INO80: variants seen among roughly 807,000 people sequenced by gnomAD.
The protein encoded by INO80 is chromatin-remodeling ATPase INO80.
INO80 carries 20 observed loss-of-function variants against 203.4 expected under a neutral mutation model. The ratio of observed to expected loss-of-function variants is 0.10; its 90% CI spans 0.07 to 0.14. The LOEUF (loss-of-function observed/expected upper bound fraction) is 0.14, where lower values mean the gene tolerates loss of function less well. Among genes scored for constraint, INO80 ranks in the 10% least tolerant of loss-of-function variants. INO80 has a pLI of 1.00. For synonymous variants in INO80, 726 were observed against 685.2 expected, an observed-to-expected ratio of 1.06 and a Z score of -0.93; for missense variants, 1,419 against 1,914.4, an observed-to-expected ratio of 0.74 and a Z score of 4.83.
At chr15:41,028,985 A>G (rs1316482556) in intron 24 of INO80, among the ~76,000 whole-genome samples, 2 of 152,252 alleles carry the variant, frequency 1.3e-5, no homozygotes, top group Non-Finnish European at 2.9e-5. Flanking sequence ...GGTGTTCTAT[A>G]TAAGAAATGC....
chr15:41,067,959 C>G (rs2045249143), intron 14 of INO80, among the ~76,000 whole-genome samples: 1 of 152,162 alleles, frequency 6.6e-6, no homozygotes, highest in African/African-American at 2.4e-5. Context: ...AACTAAGCAG[C>G]TGTTTAAATC....
chr15:41,055,095 A>C lies in INO80; in HGVS notation c.2188+152T>G, dbSNP rs763367064. ...GACTGTTAAATATGTACAAAAAACA[A>C]AATTATTTTATAAGCAAAAAATGTG... On this transcript the variant is annotated intron_variant, in intron 18 of 35. Coordinates refer to ENST00000648947, the MANE Select transcript of INO80 (RefSeq NM_017553.3). 4 of 443,810 alleles carry C rather than the reference A, an allele frequency of 9.0e-6. No individual in the cohort carries two copies. The Admixed American group carries it at 1.5e-4, about 17-fold the overall frequency. 27.5% of individuals were successfully genotyped at this position (443,810 alleles called of 1,614,324 possible).
At chr15:40,985,646 A>C (rs1375566697) in intron 31 of INO80, among the ~76,000 whole-genome samples, 1 of 152,092 alleles carries the variant, frequency 6.6e-6, no homozygotes, top group Non-Finnish European at 1.5e-5. Context: ...GTGGTGACTC[A>C]CGTCTGTAAT....
At position 40,980,405 on chromosome 15, in the gene INO80, C is replaced by A; in HGVS notation, c.4489G>T (p.Val1497Phe). 6.2e-7 allele frequency: 1 copy of A among 1,613,736 alleles called. No homozygotes were observed. The highest frequency in any genetic ancestry group is 8.5e-7 in the Non-Finnish European group (1 of 1,179,996). Residue 1497 changes from valine to phenylalanine, a missense_variant, in exon 36 of 36, where the codon GTT becomes TTT. By Grantham distance (50) the Val-to-Phe change is conservative (BLOSUM62 -1). Around this residue, in one of 9 missense-constraint regions of INO80, gnomAD observed 112 missense variants for 106.2 expected, o/e 1.05. Transcript: ENST00000648947. ...SASSPLQTSL[V>F]RPAGLADFGP... is the part of the protein sequence containing the mutation. ...AAGTCAGCAAGGCCAGCAGGCCGAA[C>A]AAGGGATGTCTGCAGAGGACTGCTG...
rs2044844684 is a variant in INO80, at chr15:41,050,167, A to G, written c.2275-65T>C. 5.3e-6 allele frequency: 6 copies of G among 1,140,724 alleles called. No individual in the cohort carries two copies. In the South Asian group the frequency reaches 8.3e-5, roughly 16 times the overall value. The allele number at this position is 1,140,724 out of a possible 1,614,324, so 70.7% of individuals were successfully genotyped here. ...TTTTAAGAAAATTCAGCATCAGCTT[A>G]AAGTTGAAAACACACACAAACCATA... On this transcript the variant is annotated intron_variant, in intron 19 of 35. Transcript: ENST00000648947.
intron 24 of INO80, among the ~76,000 whole-genome samples, chr15:41,037,476 C>T (rs1488013388): frequency 6.6e-6 from 1 of 151,754 alleles, no homozygotes; most frequent in Non-Finnish European, 1.5e-5. Flanking sequence ...TGCACTCGAG[C>T]CTGGGCAATA....
intron 28 of INO80, among the ~76,000 whole-genome samples, chr15:41,000,433 T>G (rs1003388780): frequency 1.3e-5 from 2 of 151,986 alleles, no homozygotes; most frequent in Non-Finnish European, 2.9e-5. Flanking sequence ...CGGTGGCTCA[T>G]GCCTGTAATC....
intron 25 of INO80, chr15:41,023,338 G>A: frequency 2.2e-6 from 1 of 455,940 alleles, no homozygotes. Flanking sequence ...TAGGATGTGT[G>A]TCGCAGACCT....
rs1205932520 is a variant in INO80, at chr15:41,046,202, C to CAT, written c.2736-1129_2736-1128dup. The stretch of plus-strand genomic sequence containing the variant: ...CTGTGTGTGTCTCTGTGTGCGTATA[C>CAT]ATACATATATATATATATATATATA... On this transcript the variant is annotated intron_variant, in intron 23 of 35. Coordinates refer to ENST00000648947, the MANE Select transcript of INO80 (RefSeq NM_017553.3). Among the ~76,000 whole-genome samples, 646 of 109,300 alleles carry CAT rather than the reference C, an allele frequency of 5.9e-3. 98 individuals are homozygous for CAT. Among genetic ancestry groups the CAT allele is most frequent in the Non-Finnish European group, 7.4e-3 (412 of 55,662 alleles). The allele number at this position is 109,300 out of a possible 152,430, so 71.7% of individuals were successfully genotyped here. A position where few individuals can be genotyped will look rare whatever the true frequency, so the allele number is the denominator to read the frequency against.
At chr15:41,036,172 A>C (rs946481628) in intron 24 of INO80, among the ~76,000 whole-genome samples, 1 of 149,914 alleles carries the variant, frequency 6.7e-6, no homozygotes, top group African/African-American at 2.4e-5. Context: ...AAAAAAAAAA[A>C]AAAAAAAAAA....
At chr15:41,020,859 G>A in intron 26 of INO80, 41 bp downstream of exon 26, 1 of 1,313,354 alleles carries the variant, frequency 7.6e-7, no homozygotes, top group Non-Finnish European at 1.1e-6. Context: ...TTCTCCCCTT[G>A]CCAAAGCGAG....
chr15:40,988,337 G>GA (rs1209416638), intron 29 of INO80, among the ~76,000 whole-genome samples: 5 of 151,982 alleles, frequency 3.3e-5, no homozygotes, highest in South Asian at 4.2e-4. Context: ...TTTGTGCTGA[G>GA]AAAAAAAATC....
intron 25 of INO80, among the ~76,000 whole-genome samples, chr15:41,023,598 G>A (rs576537476): frequency 3.3e-5 from 5 of 151,400 alleles, no homozygotes; most frequent in East Asian, 3.9e-4. Context: ...GTGAAACCCC[G>A]TCTCTACTAA....
At chr15:40,988,998 C>G (rs1457909469) in intron 29 of INO80, among the ~76,000 whole-genome samples, 1 of 139,390 alleles carries the variant, frequency 7.2e-6, no homozygotes, top group Non-Finnish European at 1.5e-5. Context: ...CTGGGCGACA[C>G]AGTGAGCCTC....
chr15:40,980,463 G>A (rs971496911), intron 35 of INO80, 23 bp from the exon 36 acceptor site: 11 of 1,578,932 alleles, frequency 7.0e-6, no homozygotes, highest in African/African-American at 1.3e-5. Context: ...AGAGAGACAA[G>A]AACGTAAGCA....
chr15:41,056,615 T>C lies in INO80; in HGVS notation c.2070+7A>G, dbSNP rs1566931398. On this transcript the variant is annotated splice_region_variant and intron_variant, in intron 17 of 35. Transcript: ENST00000648947. ...GATATAAACCTGTGACCTGGACTAG[T>C]GCCTACCTCTGCCATGGTGTTCTGA... 1 of 1,605,158 alleles carries C rather than the reference T, an allele frequency of 6.2e-7. No individual in the cohort carries two copies. Among genetic ancestry groups the C allele is most frequent in the Non-Finnish European group, 8.5e-7 (1 of 1,171,824 alleles).
chr15:41,079,949 A>C, intron 8 of INO80, 45 bp from the exon 9 acceptor site: 1 of 1,546,544 alleles, frequency 6.5e-7, no homozygotes, highest in Non-Finnish European at 8.9e-7. Context: ...CCCATACCAG[A>C]AGCTGGTTCT....
intron 26 of INO80, among the ~76,000 whole-genome samples, chr15:41,016,545 G>A (rs1160795932): frequency 6.6e-6 from 1 of 152,216 alleles, no homozygotes; most frequent in Non-Finnish European, 1.5e-5. Context: ...TGACATCTAT[G>A]TCAATCTGCT....
At chr15:41,030,520 C>T (rs1329834683) in intron 24 of INO80, among the ~76,000 whole-genome samples, 2 of 152,030 alleles carry the variant, frequency 1.3e-5, no homozygotes, top group Admixed American at 6.6e-5. Context: ...CGCACCACCA[C>T]GCCTTTAATT....
Sources: gnomAD v4.1 joint callset for allele counts (sites outside exome capture counted in the v4.1 genomes callset) on GRCh38, gnomAD v4.1.1 for gene constraint, gnomAD v4.1.1 regional missense constraint, MANE v1.5 for transcripts, NCBI Gene and HGNC (gene_info 2026-07-23, HGNC 2026-07-21) for gene names.